TCF12: variants seen among roughly 807,000 people sequenced by gnomAD.
TCF12 encodes transcription factor 12.
In TCF12, 45 loss-of-function variants were observed where a neutral mutation model predicts 86.0. That is an observed-to-expected ratio of 0.52 (90% CI 0.41 to 0.67). TCF12 has a LOEUF of 0.67. Among genes scored for constraint, TCF12 ranks in the 30% least tolerant of loss-of-function variants. TCF12 has a pLI of 0.00. For missense variants in TCF12, 881 were observed against 859.9 expected, an observed-to-expected ratio of 1.02 and a Z score of -0.31; for synonymous variants, 330 against 299.6, an observed-to-expected ratio of 1.10 and a Z score of -1.05.
intron 8 of TCF12, among the ~76,000 whole-genome samples, chr15:57,211,740 G>T (rs1366915471): frequency 6.6e-6 from 1 of 152,220 alleles, no homozygotes; most frequent in Non-Finnish European, 1.5e-5. Flanking sequence ...GATCGCTTGA[G>T]GCCAGGAGTT....
chr15:57,117,368 GA>G (rs1409951022), intron 5 of TCF12, among the ~76,000 whole-genome samples: 2 of 151,470 alleles, frequency 1.3e-5, no homozygotes, highest in African/African-American at 4.8e-5. Context: ...AAAGAGGTAG[GA>G]AAAAAAGGAT....
intron 3 of TCF12, among the ~76,000 whole-genome samples, chr15:56,950,078 T>C (rs187770170): frequency 1.6e-3 from 250 of 152,326 alleles, no homozygotes; most frequent in African/African-American, 5.8e-3. Flanking sequence ...GGTGATTGAA[T>C]GTATACATCA....
intron 3 of TCF12, among the ~76,000 whole-genome samples, chr15:56,933,674 A>G (rs559889506): frequency 1.3e-5 from 2 of 152,234 alleles, no homozygotes; most frequent in African/African-American, 4.8e-5. Context: ...TTTTATGGAA[A>G]TTCTAAAATG....
intron 1 of TCF12, chr15:56,919,654 T>G: frequency 3.0e-6 from 1 of 337,218 alleles, no homozygotes; most frequent in South Asian, 4.3e-5. Context: ...GGCGGCGAGT[T>G]GCGGGAGCCG....
chr15:57,014,786 A>G (rs1717915480), intron 3 of TCF12, among the ~76,000 whole-genome samples: 1 of 152,076 alleles, frequency 6.6e-6, no homozygotes, highest in East Asian at 1.9e-4. Context: ...GTGAATATAC[A>G]GATAACTAAG....
At chr15:57,061,208 A>G (rs1158637781) in intron 3 of TCF12, among the ~76,000 whole-genome samples, 4 of 152,200 alleles carry the variant, frequency 2.6e-5, no homozygotes, top group Non-Finnish European at 4.4e-5. Context: ...GTAGTTTCAC[A>G]TAATTTTGTG....
Position 57,058,189 on chromosome 15 carries a change from C to A in TCF12, c.149-5561C>A, listed in dbSNP as rs538176629. Among the ~76,000 whole-genome samples, 7 of 152,300 alleles carry A rather than the reference C, an allele frequency of 4.6e-5. No individual in the cohort carries two copies. The East Asian group carries it at 1.3e-3, about 29-fold the overall frequency. On this transcript the variant is annotated intron_variant, in intron 3 of 20. Transcript: ENST00000333725. ...CCCTGGGAACGTATTACTTTCAATT[C>A]CTGGCCATCAGGCAGTTTCTGTTTT...
chr15:57,201,248 C>G (rs181237628), intron 8 of TCF12, among the ~76,000 whole-genome samples: 12 of 151,822 alleles, frequency 7.9e-5, no homozygotes, highest in African/African-American at 2.7e-4. Context: ...ACCTCACTAT[C>G]TTATATGAGA....
chr15:57,237,743 T>A (rs1485890694), intron 12 of TCF12, among the ~76,000 whole-genome samples: 1 of 152,224 alleles, frequency 6.6e-6, no homozygotes, highest in Non-Finnish European at 1.5e-5. Context: ...AAGAAACATA[T>A]TCCTGATTTA....
chr15:56,955,646 A>G (rs1845426987), intron 3 of TCF12, among the ~76,000 whole-genome samples: 1 of 152,218 alleles, frequency 6.6e-6, no homozygotes, highest in African/African-American at 2.4e-5. Context: ...GTCTTGTTTT[A>G]TGGTTTGAAA....
chr15:57,166,205 C>T (rs751435270), intron 5 of TCF12, among the ~76,000 whole-genome samples, 197 bp from the exon 6 acceptor site: 3 of 152,210 alleles, frequency 2.0e-5, no homozygotes, highest in Non-Finnish European at 2.9e-5. Flanking sequence ...ACGTGAGTCA[C>T]TACATCCTGC....
intron 5 of TCF12, among the ~76,000 whole-genome samples, chr15:57,094,997 G>C (rs190878154): frequency 2.0e-5 from 3 of 152,192 alleles, no homozygotes; most frequent in African/African-American, 7.2e-5. Flanking sequence ...ATTTGCAACA[G>C]AAAGTGTGTT....
chr15:56,961,628 C>G (rs2061758672), intron 3 of TCF12, among the ~76,000 whole-genome samples: 2 of 152,088 alleles, frequency 1.3e-5, no homozygotes, highest in Non-Finnish European at 2.9e-5. Context: ...GATAACTTTC[C>G]TCATGTTTCA....
intron 6 of TCF12, among the ~76,000 whole-genome samples, chr15:57,173,809 G>C (rs1167580270): frequency 6.6e-6 from 1 of 151,740 alleles, no homozygotes; most frequent in Non-Finnish European, 1.5e-5. Flanking sequence ...CCAGGTTCGA[G>C]TGATTCTCCT....
chr15:57,259,798 AAGAACTGTTT>A (rs1455033323), intron 16 of TCF12, among the ~76,000 whole-genome samples: 11 of 152,228 alleles, frequency 7.2e-5, no homozygotes, highest in African/African-American at 2.7e-4. Context: ...GGCTCAGACA[AAGAACTGTTT>A]ATACACCTGT....
chr15:57,162,552 A>G (rs1382561397), intron 5 of TCF12, among the ~76,000 whole-genome samples: 1 of 152,220 alleles, frequency 6.6e-6, no homozygotes, highest in Admixed American at 6.5e-5. Flanking sequence ...CATTTTGAAA[A>G]TAAGCTATCA....
At chr15:57,079,572 G>C (rs1215130516) in intron 4 of TCF12, among the ~76,000 whole-genome samples, 2 of 152,088 alleles carry the variant, frequency 1.3e-5, no homozygotes, top group East Asian at 1.9e-4. Flanking sequence ...AGTATATCTG[G>C]ACACACAAAT....
At chr15:56,999,123 G>C (rs1379282283) in intron 3 of TCF12, among the ~76,000 whole-genome samples, 1 of 151,834 alleles carries the variant, frequency 6.6e-6, no homozygotes. Flanking sequence ...GCGTGAACCC[G>C]GGAAGCGGAG....
intron 3 of TCF12, among the ~76,000 whole-genome samples, chr15:57,018,079 C>T (rs1412511887): frequency 6.6e-6 from 1 of 152,216 alleles, no homozygotes; most frequent in Non-Finnish European, 1.5e-5. Flanking sequence ...ACTAAAGTGT[C>T]GACCTAAAAG....
Sources: gnomAD v4.1 joint callset for allele counts (sites outside exome capture counted in the v4.1 genomes callset) on GRCh38, gnomAD v4.1.1 for gene constraint, MANE v1.5 for transcripts, NCBI Gene and HGNC (gene_info 2026-07-23, HGNC 2026-07-21) for gene names.